The following CFAP46 variants were observed in gnomAD, a reference collection of about 807,000 sequenced individuals.
The protein encoded by CFAP46 is cilia and flagella associated protein 46, also known as cilia- and flagella-associated protein 46.
CFAP46 carries 245 observed loss-of-function variants against 325.7 expected under a neutral mutation model. The observed-to-expected ratio is 0.75, with a 90% CI of 0.68 to 0.84. The LOEUF (loss-of-function observed/expected upper bound fraction) is 0.84. Among genes scored for constraint, CFAP46 ranks in the 40% least tolerant of loss-of-function variants. The pLI, the probability that CFAP46 is intolerant of heterozygous loss-of-function variation, is 0.00. For missense variants in CFAP46, 3,346 were observed against 3,543.0 expected (o/e 0.94, Z 1.41); for synonymous variants, 1,523 against 1,495.9 (o/e 1.02, Z -0.42).
intron 44 of CFAP46, 75 bp downstream of exon 44, chr10:132,845,982 G>T: frequency 6.8e-7 from 1 of 1,478,302 alleles, no homozygotes; most frequent in South Asian, 1.3e-5. Flanking sequence ...TCAGGCGTGG[G>T]ACTGTGCGGC....
intron 41 of CFAP46, among the ~76,000 whole-genome samples, chr10:132,848,433 GGGGA>G (rs1371575617): frequency 6.6e-6 from 1 of 152,146 alleles, no homozygotes; most frequent in Non-Finnish European, 1.5e-5. Flanking sequence ...GGTGAGTCGG[GGGGA>G]GGGAGGGCAG....
rs1219846944 is a variant in CFAP46 at position 132,834,704 on chromosome 10, C to G, written c.6816G>C (p.Leu2272=). 4 of 1,612,876 alleles carry G rather than the reference C, an allele frequency of 2.5e-6. No individual in the cohort carries two copies. Among genetic ancestry groups the G allele is most frequent in the Non-Finnish European group, 3.4e-6 (4 of 1,179,932 alleles). ...GGAATAGCGGCTGCAGAAGCTCCTC[C>G]AGGGGCCCCAGGACGCTACTGAGCC... is the stretch of plus-strand genomic sequence containing the variant. The part of the protein sequence containing the change: ...VQRLSSVLGP[L]EELLQPLFPL... Residue 2272 remains leucine (L), a synonymous_variant, in exon 48 of 58, where the codon CTG becomes CTC. Transcript: ENST00000368586.
At position 132,927,365 on chromosome 10, in the gene CFAP46, G is replaced by A. The variant is rs1276973854; in HGVS notation, c.967-699C>T. 4.0e-5 allele frequency among the ~76,000 whole-genome samples: 6 copies of A among 151,612 alleles called. No individual in the cohort carries two copies. The South Asian group carries it at 1.3e-3, about 32-fold the overall frequency. ...GGGGAGCAGGTCCTCGGCGGCAGAC[G>A]CCTCCGTCCCGGGGAGCAGGTCCTC... On this transcript the variant is annotated intron_variant, in intron 9 of 57. Coordinates refer to ENST00000368586, the MANE Select transcript of CFAP46 (RefSeq NM_001200049.3).
chr10:132,882,023 G>GGT (rs1301324287), intron 27 of CFAP46, among the ~76,000 whole-genome samples: 184 of 144,172 alleles, frequency 1.3e-3, no homozygotes, highest in South Asian at 7.1e-3. Context: ...GGATGTAAGG[G>GGT]GTGTGTGGTG....
Position 132,846,921 on chromosome 10 carries a change from C to A in CFAP46, c.6267+11G>T, listed in dbSNP as rs1308829204. On this transcript the variant is annotated intron_variant, in intron 43 of 57. Transcript: ENST00000368586. The stretch of plus-strand genomic sequence containing the variant: ...AGGGCCTGGCTGGAGGTGGGCAGGG[C>A]AGAGACACACCTGAGACAGAGCCAG... 2 of 1,603,768 alleles carry A rather than the reference C, an allele frequency of 1.2e-6. No homozygotes were observed. The highest frequency in any genetic ancestry group is 1.1e-5 in the South Asian group (1 of 89,436).
In CFAP46 at chr10:132,866,037, G is replaced by A; in HGVS notation, c.4878C>T (p.Tyr1626=). Residue 1626 remains tyrosine, a synonymous_variant, in exon 35 of 58, where the codon TAC becomes TAT. Transcript: ENST00000368586. ...QPARLLLSEA[Y]LAFQELDEPC... ...AGGGGCTCCTCACCTGGAAAGCCAG[G>A]TAAGCCTCCGACAGGAGCAGCCGTG... is the stretch of plus-strand genomic sequence containing the variant. 1 of 1,513,746 alleles carries A rather than the reference G, an allele frequency of 6.6e-7. No individual in the cohort carries two copies. Among genetic ancestry groups the A allele is most frequent in the Non-Finnish European group, 8.9e-7 (1 of 1,127,904 alleles). The allele number at this position is 1,513,746 out of a possible 1,614,324, so 93.8% of individuals were successfully genotyped here.
intron 19 of CFAP46, among the ~76,000 whole-genome samples, chr10:132,912,272 CTT>C (rs1482210264): frequency 9.5e-6 from 1 of 105,622 alleles, no homozygotes; most frequent in Non-Finnish European, 1.9e-5. Flanking sequence ...TCTCCTCTCT[CTT>C]CTCCTCTCTC....
chr10:132,810,353 G>A (rs1847553326), intron 57 of CFAP46, 56 bp downstream of exon 57: 3 of 1,459,718 alleles, frequency 2.1e-6, no homozygotes, highest in Non-Finnish European at 1.9e-6. Context: ...GTGCCCCATG[G>A]GCAGTGGCTG....
Position 132,941,581 on chromosome 10 carries a change from C to T in CFAP46, c.306+10G>A, listed in dbSNP as rs767148979. On this transcript the variant is annotated intron_variant, in intron 3 of 57. Transcript: ENST00000368586. ...ACTGTTGGGGATAAGGGGCACAGGA[C>T]GCCTCTCACCAGGTTTTCTGCCGAC... The T allele has an allele frequency of 2.2e-5, 36 of 1,610,104 alleles. No individual in the cohort carries two copies. Among genetic ancestry groups the T allele is most frequent in the Non-Finnish European group, 2.6e-5 (31 of 1,177,620 alleles).
intron 50 of CFAP46, among the ~76,000 whole-genome samples, chr10:132,822,338 TGTG>T (rs1565036164): frequency 5.7e-5 from 8 of 140,160 alleles, no homozygotes; most frequent in Non-Finnish European, 1.5e-5. Flanking sequence ...GTGCTGTGTG[TGTG>T]GTGATGTGTG....
chr10:132,810,119 G>A (rs1316968420), intron 57 of CFAP46, among the ~76,000 whole-genome samples: 2 of 152,204 alleles, frequency 1.3e-5, no homozygotes, highest in East Asian at 1.9e-4. Flanking sequence ...AGCTGTCAAC[G>A]AGGAACCGTG....
Position 132,893,550 on chromosome 10 carries a change from AC to A in CFAP46, c.3220-1134del, listed in dbSNP as rs781173293. ...CTGTTTCCCTTTTTTCTTCCTTTCT[AC>A]CCAATAAAATCCTGCCTTTCTCACC... On this transcript the variant is annotated intron_variant, in intron 24 of 57. Transcript: ENST00000368586. Among the ~76,000 whole-genome samples the A allele has an allele frequency of 3.5e-3, 535 of 151,964 alleles. 6 individuals carry two copies. Among genetic ancestry groups the A allele is most frequent in the Non-Finnish European group, 2.1e-3 (140 of 67,964 alleles).
Position 132,817,837 on chromosome 10 carries a change from G to C in CFAP46, c.7118-2923C>G, listed in dbSNP as rs1847722835. On this transcript the variant is annotated intron_variant, in intron 50 of 57. Transcript: ENST00000368586. The surrounding 1 kb of genome is among the most constrained non-coding windows in gnomAD (Gnocchi z 4.4). ...TCCTGTCTGACGGTTCTGGGAGTCG[G>C]AGGTCCGAATGGGGTCACTGGGTCA... Among the ~76,000 whole-genome samples, 1 of 152,246 alleles carries C rather than the reference G, an allele frequency of 6.6e-6. No homozygotes were observed. Among genetic ancestry groups the C allele is most frequent in the Non-Finnish European group, 1.5e-5 (1 of 68,042 alleles).
chr10:132,847,371 C>T lies in CFAP46; in HGVS notation c.5953-50G>A, dbSNP rs767969962. The T allele has an allele frequency of 3.7e-5, 60 of 1,603,154 alleles. No homozygotes were observed. Among genetic ancestry groups the T allele is most frequent in the Non-Finnish European group, 4.3e-5 (51 of 1,173,154 alleles). On this transcript the variant is annotated intron_variant, in intron 41 of 57. Coordinates refer to ENST00000368586, the MANE Select transcript of CFAP46 (RefSeq NM_001200049.3). The surrounding 1 kb of genome is among the most constrained non-coding windows in gnomAD (Gnocchi z 5.2). ...AGACACTTCTGGGTTCCTGCTTGGTCGGCGTGGGGAGGGCCCACCCAGGGA... is the reference window on the plus strand; with the variant it reads ...AGACACTTCTGGGTTCCTGCTTGGTTGGCGTGGGGAGGGCCCACCCAGGGA...
chr10:132,917,187 TG>T (rs1041236209), intron 16 of CFAP46, among the ~76,000 whole-genome samples: 1 of 152,258 alleles, frequency 6.6e-6, no homozygotes, highest in African/African-American at 2.4e-5. Flanking sequence ...GCTGAGGGCA[TG>T]GGCCTGGCAC....
At chr10:132,938,113 C>G (rs532173849) in intron 5 of CFAP46, among the ~76,000 whole-genome samples, 4 of 152,274 alleles carry the variant, frequency 2.6e-5, no homozygotes, top group Non-Finnish European at 5.9e-5. Flanking sequence ...GCACAGTGAC[C>G]GAAGCATTGG....
Position 132,860,864 on chromosome 10 carries a change from C to T in CFAP46, c.5009G>A (p.Gly1670Glu). ...KMIAQAQHLG[G>E]SEEFWYNSTL... ...GGAATTGTACCAGAACTCCTCACTT[C>T]CGCCCAGGTGCTGGGCCTGTGCGAT... is the stretch of plus-strand genomic sequence containing the variant. The change falls in exon 36 of 58, where the codon GGA becomes GAA. Residue 1670 changes from glycine to glutamate, a missense_variant. Gly to Glu is a moderately conservative substitution (Grantham distance 98). Transcript: ENST00000368586. The T allele has an allele frequency of 6.4e-7, 1 of 1,551,002 alleles. No individual in the cohort carries two copies.
intron 16 of CFAP46, among the ~76,000 whole-genome samples, chr10:132,917,168 C>G (rs944202180): frequency 6.6e-6 from 1 of 152,278 alleles, no homozygotes; most frequent in African/African-American, 2.4e-5. Flanking sequence ...GCTTCTCACC[C>G]TGACCCCAGC....
chr10:132,910,970 C>T (rs2135537379), intron 19 of CFAP46, among the ~76,000 whole-genome samples: 2 of 152,366 alleles, frequency 1.3e-5, no homozygotes, highest in Middle Eastern at 6.8e-3. Flanking sequence ...GCCATTCACT[C>T]CGTGTTCCCG....
Sources: allele counts gnomAD v4.1 joint callset (sites outside exome capture counted in the v4.1 genomes callset), GRCh38; gene constraint gnomAD v4.1.1; non-coding constraint Gnocchi (gnomAD v3.1); transcripts MANE v1.5; gene names NCBI Gene and HGNC (gene_info 2026-07-23, HGNC 2026-07-21).